QTMAN: variants seen among roughly 807,000 people sequenced by gnomAD.
QTMAN encodes the protein queuosine-tRNA mannosyltransferase.
At chr2:144,293,293 G>C in the QTMAN span, among the ~76,000 whole-genome samples, 1 of 152,190 alleles carries the variant, frequency 6.6e-6, no homozygotes, top group Non-Finnish European at 1.5e-5. Context: ...AGATGAGAGA[G>C]AGTGGGAAGC....
At chr2:144,020,301 C>A in the QTMAN span, among the ~76,000 whole-genome samples, 15 of 152,168 alleles carry the variant, frequency 9.9e-5, no homozygotes, top group East Asian at 5.8e-4. Context: ...CTATCCTGGG[C>A]CTATAAAAAC....
the QTMAN span, among the ~76,000 whole-genome samples, chr2:144,331,194 G>T: frequency 0.01 from 1,536 of 152,248 alleles, 11 homozygotes; most frequent in Middle Eastern, 0.024. Flanking sequence ...GAGCCGAGAA[G>T]AATCTAATCC....
At chr2:144,077,428 C>G in the QTMAN span, among the ~76,000 whole-genome samples, 1 of 152,220 alleles carries the variant, frequency 6.6e-6, no homozygotes, top group African/African-American at 2.4e-5. Context: ...TCCTTTATAA[C>G]AGGCTACTAG....
At chr2:143,945,595 C>T in the QTMAN span, 1 of 152,260 alleles carries the variant, frequency 6.6e-6, no homozygotes, top group Non-Finnish European at 1.5e-5. Flanking sequence ...ATGGGCCCTA[C>T]TGGACTTCCG....
the QTMAN span, among the ~76,000 whole-genome samples, chr2:143,994,166 C>T: frequency 2.0e-5 from 3 of 152,134 alleles, no homozygotes; most frequent in Non-Finnish European, 4.4e-5. Flanking sequence ...AGATTTTACA[C>T]ATCCAGACTA....
the QTMAN span, among the ~76,000 whole-genome samples, chr2:144,018,691 A>T: frequency 6.7e-6 from 1 of 149,960 alleles, no homozygotes; most frequent in Admixed American, 6.6e-5. Flanking sequence ...GAAAACACTG[A>T]GTGAAAAAGG....
chr2:144,281,839 C>T, the QTMAN span, among the ~76,000 whole-genome samples: 2 of 152,208 alleles, frequency 1.3e-5, no homozygotes, highest in Non-Finnish European at 2.9e-5. Context: ...GCCTCCAGAA[C>T]TCAGAAAATA....
At chr2:144,146,250 G>A in the QTMAN span, among the ~76,000 whole-genome samples, 2 of 146,978 alleles carry the variant, frequency 1.4e-5, no homozygotes, top group African/African-American at 2.5e-5. Context: ...TTTTCTCTTG[G>A]CATGTTTTCT....
At chr2:144,007,206 A>G in the QTMAN span, 1 of 1,603,310 alleles carries the variant, frequency 6.2e-7, no homozygotes, top group Non-Finnish European at 8.5e-7. Context: ...GACAATGTGT[A>G]GCAGTCTTTG....
chr2:144,220,028 AGACACGTGCT>A, the QTMAN span, among the ~76,000 whole-genome samples: 1 of 152,188 alleles, frequency 6.6e-6, no homozygotes, highest in African/African-American at 2.4e-5. Flanking sequence ...TAATAGTTTA[AGACACGTGCT>A]GACAGTTTAC....
At chr2:144,080,554 G>A in the QTMAN span, among the ~76,000 whole-genome samples, 1 of 152,120 alleles carries the variant, frequency 6.6e-6, no homozygotes, top group East Asian at 1.9e-4. Flanking sequence ...TTGTTATTAT[G>A]TCTCCGTAAG....
At chr2:144,099,132 T>C in the QTMAN span, among the ~76,000 whole-genome samples, 1 of 152,220 alleles carries the variant, frequency 6.6e-6, no homozygotes, top group Admixed American at 6.5e-5. Context: ...TTTATAATTC[T>C]ATATTTAATT....
chr2:144,083,899 C>T, the QTMAN span, among the ~76,000 whole-genome samples: 2 of 152,172 alleles, frequency 1.3e-5, no homozygotes, highest in Non-Finnish European at 2.9e-5. Context: ...ACACAAAACT[C>T]ATAAGCATAT....
chr2:144,232,713 T>C, the QTMAN span, among the ~76,000 whole-genome samples: 7 of 152,162 alleles, frequency 4.6e-5, no homozygotes, highest in South Asian at 2.1e-4. Context: ...ATTTTAAAAA[T>C]AGATCACCTG....
the QTMAN span, among the ~76,000 whole-genome samples, chr2:144,091,552 G>A: frequency 6.6e-6 from 1 of 152,162 alleles, no homozygotes; most frequent in Admixed American, 6.5e-5. Context: ...TGAGGATGTG[G>A]AGAAACTAGA....
At chr2:144,133,478 A>T in the QTMAN span, among the ~76,000 whole-genome samples, 60 of 69,736 alleles carry the variant, frequency 8.6e-4, no homozygotes, top group African/African-American at 2.7e-3. Context: ...ATATTATATA[A>T]TATATAAAAT....
chr2:144,013,621 G>A, the QTMAN span, among the ~76,000 whole-genome samples: 1 of 152,028 alleles, frequency 6.6e-6, no homozygotes, highest in African/African-American at 2.4e-5. Flanking sequence ...GATGACAGCA[G>A]AAAAAATATC....
chr2:144,254,804 C>T, the QTMAN span, among the ~76,000 whole-genome samples: 4 of 152,366 alleles, frequency 2.6e-5, no homozygotes, highest in South Asian at 6.2e-4. Context: ...CCCAAGGCCA[C>T]AGAAGCCCAG....
the QTMAN span, among the ~76,000 whole-genome samples, chr2:143,959,768 A>G: frequency 1.3e-5 from 2 of 152,252 alleles, no homozygotes; most frequent in African/African-American, 2.4e-5. Flanking sequence ...GGTAAAGTTA[A>G]AATCTAAATA....
Sources: allele counts gnomAD v4.1 joint callset (sites outside exome capture counted in the v4.1 genomes callset), GRCh38; gene constraint gnomAD v4.1.1; transcripts MANE v1.5; gene names NCBI Gene and HGNC (gene_info 2026-07-23, HGNC 2026-07-21).